Variants in SCAMP1 observed in about 807,000 individuals in gnomAD.
SCAMP1 encodes secretory carrier-associated membrane protein 1.
A neutral mutation model predicts 41.8 loss-of-function variants in SCAMP1; 15 were observed. The observed-to-expected ratio is 0.36, with a 90% confidence interval of 0.24 to 0.55. The LOEUF (loss-of-function observed/expected upper bound fraction) is 0.55. Among genes scored for constraint, SCAMP1 ranks in the 20% least tolerant of loss-of-function variants. SCAMP1 has a pLI of 0.86. For missense variants in SCAMP1, 341 were observed against 412.6 expected (o/e 0.83, Z 1.50); for synonymous variants, 135 against 136.8 (o/e 0.99, Z 0.09).
At position 78,423,012 on chromosome 5, in the gene SCAMP1, GCGCGCACACACACACACA is replaced by G. The variant is rs1434878414; in HGVS notation, c.632+1054_632+1071del. Among the ~76,000 whole-genome samples, 947 of 150,812 alleles carry G rather than the reference GCGCGCACACACACACACA, an allele frequency of 6.3e-3. 4 individuals are homozygous for G. Among genetic ancestry groups the G allele is most frequent in the African/African-American group, 0.015 (622 of 41,038 alleles). On this transcript the variant is annotated intron_variant, in intron 6 of 8. Coordinates refer to ENST00000621999, the MANE Select transcript of SCAMP1 (RefSeq NM_004866.6). ...TAACCAGAATGTGTAACACACGCGC[GCGCGCACACACACACACA>G]CACACACACACACACACACACAGAG...
At chr5:78,413,155 T>G (rs1384402061) in intron 2 of SCAMP1, among the ~76,000 whole-genome samples, 1 of 152,176 alleles carries the variant, frequency 6.6e-6, no homozygotes, top group Non-Finnish European at 1.5e-5. Flanking sequence ...TGTTTTTTTT[T>G]CCTATATGAG....
chr5:78,371,410 A>G (rs1561249631), intron 1 of SCAMP1, among the ~76,000 whole-genome samples: 1 of 152,166 alleles, frequency 6.6e-6, no homozygotes, highest in Non-Finnish European at 1.5e-5. Flanking sequence ...ATTTGTTGAA[A>G]AGATTGTTCA....
chr5:78,379,965 T>C (rs1428785580), intron 1 of SCAMP1, among the ~76,000 whole-genome samples: 1 of 152,224 alleles, frequency 6.6e-6, no homozygotes, highest in Non-Finnish European at 1.5e-5. Context: ...TAAGTCTAGC[T>C]TCGAAGTCTA....
chr5:78,402,998 G>T (rs1344319157), intron 2 of SCAMP1, among the ~76,000 whole-genome samples: 2 of 152,046 alleles, frequency 1.3e-5, no homozygotes, highest in African/African-American at 4.8e-5. Context: ...AGCCTTCTGA[G>T]TAGCTGCGAT....
At chr5:78,395,927 A>G (rs1751639379) in intron 2 of SCAMP1, among the ~76,000 whole-genome samples, 1 of 152,252 alleles carries the variant, frequency 6.6e-6, no homozygotes, top group African/African-American at 2.4e-5. Flanking sequence ...TATGCACTCA[A>G]GGGAAGGGCA....
chr5:78,466,359 G>A (rs1753744866), intron 8 of SCAMP1, among the ~76,000 whole-genome samples: 1 of 152,176 alleles, frequency 6.6e-6, no homozygotes, highest in African/African-American at 2.4e-5. Context: ...CACCTATCAG[G>A]TTTTGGAGGT....
chr5:78,453,980 C>G (rs1355301665), intron 7 of SCAMP1, among the ~76,000 whole-genome samples: 2 of 151,722 alleles, frequency 1.3e-5, no homozygotes, highest in African/African-American at 2.4e-5. Flanking sequence ...TGATTTGGCT[C>G]TCTGTCTGTT....
intron 1 of SCAMP1, among the ~76,000 whole-genome samples, chr5:78,375,454 A>G (rs1206687560): frequency 6.6e-6 from 1 of 152,180 alleles, no homozygotes. Flanking sequence ...TCTTCTGAGG[A>G]TTACATGAAA....
At chr5:78,367,950 G>C (rs542307154) in intron 1 of SCAMP1, among the ~76,000 whole-genome samples, 1 of 152,104 alleles carries the variant, frequency 6.6e-6, no homozygotes, top group Non-Finnish European at 1.5e-5. Context: ...CCTCTGAGAG[G>C]TCCTTTATTT....
intron 2 of SCAMP1, among the ~76,000 whole-genome samples, chr5:78,395,016 C>T (rs776778820): frequency 1.5e-4 from 23 of 152,174 alleles, no homozygotes; most frequent in Admixed American, 5.2e-4. Flanking sequence ...CTCTTCAAAT[C>T]GCTTTTTATA....
chr5:78,448,208 TA>T (rs913015227), intron 6 of SCAMP1, among the ~76,000 whole-genome samples: 53 of 141,428 alleles, frequency 3.7e-4, no homozygotes, highest in African/African-American at 1.1e-3. Flanking sequence ...TGTTTTTTTT[TA>T]AAATAAAGAT....
rs1750851541 is a variant in SCAMP1, at chr5:78,368,408, A to G, written c.57+7680A>G. Among the ~76,000 whole-genome samples the G allele has an allele frequency of 3.3e-5, 5 of 152,210 alleles. No individual in the cohort carries two copies. The South Asian group carries it at 1.0e-3, about 31-fold the overall frequency. ...TCGAAAGTAAACTGTTCTTGTGCTG[A>G]TATTACCAAAAGTTTTTTTTGGACT... On this transcript the variant is annotated intron_variant, in intron 1 of 8. Coordinates refer to ENST00000621999, the MANE Select transcript of SCAMP1 (RefSeq NM_004866.6).
intron 6 of SCAMP1, among the ~76,000 whole-genome samples, chr5:78,436,962 A>G (rs1471929071): frequency 1.3e-5 from 2 of 152,064 alleles, no homozygotes; most frequent in South Asian, 2.1e-4. Flanking sequence ...TTGGATTCCT[A>G]GGTATTTTAT....
intron 2 of SCAMP1, among the ~76,000 whole-genome samples, chr5:78,391,713 C>T (rs1358160853): frequency 6.6e-6 from 1 of 152,206 alleles, no homozygotes; most frequent in Non-Finnish European, 1.5e-5. Flanking sequence ...CCAGCCTGGG[C>T]GCCATTGAGC....
intron 2 of SCAMP1, among the ~76,000 whole-genome samples, chr5:78,404,848 T>C (rs1751893323): frequency 1.3e-5 from 2 of 152,226 alleles, no homozygotes; most frequent in African/African-American, 2.4e-5. Flanking sequence ...TTTTTCTCCA[T>C]GTACTATGAG....
chr5:78,418,774 G>A lies in SCAMP1; in HGVS notation c.344-1G>A. On this transcript the variant is annotated splice_acceptor_variant, in intron 4 of 8. Coordinates refer to ENST00000621999, the MANE Select transcript of SCAMP1 (RefSeq NM_004866.6). LOFTEE classifies it high-confidence loss of function. ...TTTCTTTTTCTAAAAAAAATTTACA[G>A]GTAGAAAAAATAATTGGCCACCTCT... 6.6e-7 allele frequency: 1 copy of A among 1,509,146 alleles called. No individual in the cohort carries two copies. The highest frequency in any genetic ancestry group is 8.9e-7 in the Non-Finnish European group (1 of 1,123,806). The allele number at this position is 1,509,146 out of a possible 1,614,324, so 93.5% of individuals were successfully genotyped here.
At chr5:78,453,845 A>G (rs1268751537) in intron 7 of SCAMP1, among the ~76,000 whole-genome samples, 3 of 150,866 alleles carry the variant, frequency 2.0e-5, no homozygotes, top group African/African-American at 4.8e-5. Context: ...ATTTGTTTGT[A>G]TCCTCTTTTA....
chr5:78,407,936 A>G (rs975728318), intron 2 of SCAMP1, among the ~76,000 whole-genome samples: 3 of 152,140 alleles, frequency 2.0e-5, no homozygotes, highest in South Asian at 2.1e-4. Context: ...CCTGTTTTGT[A>G]TCTGATAATT....
intron 6 of SCAMP1, among the ~76,000 whole-genome samples, chr5:78,448,728 C>T (rs1382317132): frequency 6.6e-6 from 1 of 152,186 alleles, no homozygotes; most frequent in Non-Finnish European, 1.5e-5. Context: ...AGGCTGGGCA[C>T]AGTGGCTCAT....
Sources: gnomAD v4.1 joint callset for allele counts (sites outside exome capture counted in the v4.1 genomes callset) on GRCh38, gnomAD v4.1.1 for gene constraint, MANE v1.5 for transcripts, NCBI Gene and HGNC (gene_info 2026-07-23, HGNC 2026-07-21) for gene names.